Variants in ASIC2 observed in about 807,000 individuals in gnomAD.
ASIC2 encodes the protein acid sensing ion channel subunit 2, also known as acid-sensing ion channel 2.
A neutral mutation model predicts 57.3 loss-of-function variants in ASIC2; 25 were observed. The ratio of observed to expected loss-of-function variants is 0.44; its 90% CI spans 0.32 to 0.61. The LOEUF is 0.61. Among genes scored for constraint, ASIC2 ranks in the 20% least tolerant of loss-of-function variants. The pLI, the probability that ASIC2 is intolerant of heterozygous loss-of-function variation, is 0.06. For synonymous variants in ASIC2, 319 were observed against 307.5 expected (o/e 1.04, Z -0.39); for missense variants, 641 against 738.1 (o/e 0.87, Z 1.52).
intron 1 of ASIC2, among the ~76,000 whole-genome samples, chr17:33,522,821 A>G (rs1339822394): frequency 6.6e-6 from 1 of 152,232 alleles, no homozygotes; most frequent in Admixed American, 6.5e-5. Flanking sequence ...GTGCAGACAC[A>G]GACACTGAAG....
At chr17:33,751,091 G>T (rs1195753655) in intron 1 of ASIC2, among the ~76,000 whole-genome samples, 1 of 152,168 alleles carries the variant, frequency 6.6e-6, no homozygotes, top group African/African-American at 2.4e-5. Context: ...GCCACCCAGG[G>T]TAGGGACGGG....
At chr17:33,547,633 T>G (rs1217063798) in intron 1 of ASIC2, among the ~76,000 whole-genome samples, 1 of 152,130 alleles carries the variant, frequency 6.6e-6, no homozygotes, top group African/African-American at 2.4e-5. Context: ...TAGAGTGACC[T>G]CCAACCCACT....
At chr17:34,123,437 C>T (rs1911685600) in intron 1 of ASIC2, among the ~76,000 whole-genome samples, 1 of 152,160 alleles carries the variant, frequency 6.6e-6, no homozygotes, top group Non-Finnish European at 1.5e-5. Context: ...AGGGGCCAGA[C>T]TCCTGGGGAA....
At chr17:33,767,746 T>C (rs972966136) in intron 1 of ASIC2, among the ~76,000 whole-genome samples, 7 of 152,248 alleles carry the variant, frequency 4.6e-5, no homozygotes, top group African/African-American at 1.7e-4. Flanking sequence ...CCAATTTACT[T>C]GTAACCTTGA....
chr17:33,452,137 C>T (rs1448460941), intron 1 of ASIC2, among the ~76,000 whole-genome samples: 1 of 152,210 alleles, frequency 6.6e-6, no homozygotes, highest in Non-Finnish European at 1.5e-5. Flanking sequence ...TGACTGCCAA[C>T]CTAAGGTGAG....
At chr17:33,715,875 A>G (rs1290777246) in intron 1 of ASIC2, among the ~76,000 whole-genome samples, 1 of 152,174 alleles carries the variant, frequency 6.6e-6, no homozygotes, top group Non-Finnish European at 1.5e-5. Context: ...TCATGTAGAT[A>G]CAGAGAGAAA....
intron 1 of ASIC2, chr17:34,118,347 T>C (rs1481966634): frequency 2.0e-5 from 3 of 152,192 alleles, no homozygotes; most frequent in Admixed American, 1.3e-4. Context: ...GTTAGTAGCA[T>C]GTTTTTTCTT....
intron 1 of ASIC2, among the ~76,000 whole-genome samples, chr17:33,290,269 T>G (rs1251483524): frequency 6.6e-6 from 1 of 152,200 alleles, no homozygotes; most frequent in African/African-American, 2.4e-5. Context: ...GGCATCTCTT[T>G]ACCATCCCAA....
At chr17:34,026,234 T>C (rs1385198509) in intron 1 of ASIC2, among the ~76,000 whole-genome samples, 2 of 152,142 alleles carry the variant, frequency 1.3e-5, no homozygotes, top group East Asian at 3.9e-4. Flanking sequence ...TATGTCAAGG[T>C]GTGTATTCCC....
chr17:33,181,512 G>C (rs979264865), intron 1 of ASIC2, among the ~76,000 whole-genome samples: 1 of 152,114 alleles, frequency 6.6e-6, no homozygotes. Flanking sequence ...GGGATCTAGG[G>C]AGAGTCCATC....
At position 34,079,773 on chromosome 17, in the gene ASIC2, A is replaced by G. The variant is rs564379127; in HGVS notation, c.555+76205T>C. Among the ~76,000 whole-genome samples, 3 of 152,326 alleles carry G rather than the reference A, an allele frequency of 2.0e-5. No individual in the cohort carries two copies. The East Asian group carries it at 5.8e-4, about 29-fold the overall frequency. ...GCAAGACAGGCTGGCATGAATTGTC[A>G]TAAGGGGATTTTCACCCTTGCTGTT... On this transcript the variant is annotated intron_variant, in intron 1 of 9. Transcript: ENST00000359872.
At chr17:33,852,893 C>A (rs1479036459) in intron 1 of ASIC2, among the ~76,000 whole-genome samples, 1 of 152,162 alleles carries the variant, frequency 6.6e-6, no homozygotes, top group Non-Finnish European at 1.5e-5. Context: ...TGTGGGGCTA[C>A]TTTTTACTCC....
At chr17:33,816,929 T>C (rs921337945) in intron 1 of ASIC2, among the ~76,000 whole-genome samples, 4 of 152,246 alleles carry the variant, frequency 2.6e-5, no homozygotes, top group African/African-American at 9.6e-5. Flanking sequence ...GTGATTGCAG[T>C]TAATGCTCAA....
intron 1 of ASIC2, among the ~76,000 whole-genome samples, chr17:33,499,457 C>T (rs1352238431): frequency 3.9e-5 from 6 of 152,156 alleles, no homozygotes; most frequent in East Asian, 1.9e-4. Context: ...GAGAAGGCCA[C>T]GTAAACACGA....
At chr17:33,092,272 CT>C (rs752496137) in intron 2 of ASIC2, among the ~76,000 whole-genome samples, 11 of 152,252 alleles carry the variant, frequency 7.2e-5, no homozygotes, top group Non-Finnish European at 1.2e-4. Context: ...CCTTGGCTTC[CT>C]TTTAAAGATT....
chr17:33,169,561 C>G (rs1308204252), intron 1 of ASIC2, among the ~76,000 whole-genome samples: 1 of 152,174 alleles, frequency 6.6e-6, no homozygotes, highest in Non-Finnish European at 1.5e-5. Flanking sequence ...CCAAATAAAA[C>G]AGCTAGTAAA....
chr17:33,929,936 T>C (rs1915895994), intron 1 of ASIC2, among the ~76,000 whole-genome samples: 1 of 152,242 alleles, frequency 6.6e-6, no homozygotes, highest in South Asian at 2.1e-4. Context: ...AACAAGCTAC[T>C]TCTTGGTCTC....
chr17:34,145,362 A>G (rs1223272596), intron 1 of ASIC2, among the ~76,000 whole-genome samples: 1 of 152,194 alleles, frequency 6.6e-6, no homozygotes, highest in African/African-American at 2.4e-5. Flanking sequence ...CTATCTGCCA[A>G]TGTCCCTCAC....
At chr17:33,269,613 C>CCTTCCTTCCTTCCTTCCTT (rs1904365250) in intron 1 of ASIC2, among the ~76,000 whole-genome samples, 1 of 73,340 alleles carries the variant, frequency 1.4e-5, no homozygotes, top group African/African-American at 5.4e-5. Context: ...AGGGCTCCTT[C>CCTTCCTTCCTTCCTTCCTT]CCTTCCTTCC....
Sources: gnomAD v4.1 joint callset for allele counts (sites outside exome capture counted in the v4.1 genomes callset) on GRCh38, gnomAD v4.1.1 for gene constraint, MANE v1.5 for transcripts, NCBI Gene and HGNC (gene_info 2026-07-23, HGNC 2026-07-21) for gene names.